The following DNAJC22 variants were observed in gnomAD, a reference collection of about 807,000 sequenced individuals.
DNAJC22 encodes the protein DnaJ heat shock protein family (Hsp40) member C22, also known as dnaJ homolog subfamily C member 22.
Under a neutral mutation model 22.2 loss-of-function variants are expected in DNAJC22, and 24 were observed. The observed-to-expected ratio is 1.08, with a 90% CI of 0.78 to 1.52. DNAJC22 has a LOEUF of 1.52. Ranked by LOEUF, DNAJC22 falls within the 40% of genes most tolerant of loss-of-function variation. The probability of loss-of-function intolerance (pLI) is 0.00; values close to 1 mark genes in which losing one functional copy is unlikely to be tolerated. For synonymous variants in DNAJC22, 160 were observed against 167.4 expected, an observed-to-expected ratio of 0.96 and a Z score of 0.34; for missense variants, 434 against 421.7, an observed-to-expected ratio of 1.03 and a Z score of -0.26.
At position 49,348,768 on chromosome 12, in the gene DNAJC22, T is replaced by A. The variant is rs977126326; in HGVS notation, c.-105T>A. On this transcript the variant is annotated splice_region_variant and 5_prime_UTR_variant, in exon 3 of 4. Coordinates refer to ENST00000549441, the MANE Select transcript of DNAJC22 (RefSeq NM_001304944.2). ...CTCTACTTTTTCCCATCTCTTAGGG[T>A]CTAAGGATAACTCTGGGGCCATGAC... 45 of 1,389,318 alleles carry A rather than the reference T, an allele frequency of 3.2e-5. 1 individual carries two copies. The African/African-American group carries it at 5.8e-4, about 18-fold the overall frequency. 86.1% of individuals were successfully genotyped at this position (1,389,318 alleles called of 1,614,324 possible).
At position 49,353,662 on chromosome 12, in the gene DNAJC22, A is replaced by G. The variant is rs1943806212; in HGVS notation, c.*2160A>G. On this transcript the variant is annotated 3_prime_UTR_variant, in exon 4 of 4. Transcript: ENST00000549441. ...AGCCTGTCTCAAAAATATAAAAATA[A>G]ATAAATAAATAAAGTGGAATTATGT... The G allele has an allele frequency of 1.3e-5, 2 of 152,142 alleles. No individual in the cohort carries two copies. Among genetic ancestry groups the G allele is most frequent in the Non-Finnish European group, 2.9e-5 (2 of 68,038 alleles). 9.4% of individuals were successfully genotyped at this position (152,142 alleles called of 1,614,324 possible).
chr12:49,353,257 C>G lies in DNAJC22; in HGVS notation c.*1755C>G, dbSNP rs575126339. The stretch of plus-strand genomic sequence containing the variant: ...CAGGAACATGATTTTAAATTATGTG[C>G]CTTTACTGCAGCTTTCTTGCTCTCT... On this transcript the variant is annotated 3_prime_UTR_variant, in exon 4 of 4. Coordinates refer to ENST00000549441, the MANE Select transcript of DNAJC22 (RefSeq NM_001304944.2). 1 of 152,246 alleles carries G rather than the reference C, an allele frequency of 6.6e-6. No individual in the cohort carries two copies. Among genetic ancestry groups the G allele is most frequent in the East Asian group, 1.9e-4 (1 of 5,184 alleles). 9.4% of individuals were successfully genotyped at this position (152,246 alleles called of 1,614,324 possible). A position where few individuals can be genotyped will look rare whatever the true frequency, so the allele number is the denominator to read the frequency against.
At position 49,351,589 on chromosome 12, in the gene DNAJC22, A is replaced by G; in HGVS notation, c.*87A>G. ...TAGCTTTGCCCACGAATGGCATCCC[A>G]ACAGAGTTAAAGAAACTGCTTGCAG... On this transcript the variant is annotated 3_prime_UTR_variant, in exon 4 of 4. Transcript: ENST00000549441. 1 of 1,402,426 alleles carries G rather than the reference A, an allele frequency of 7.1e-7. No homozygotes were observed. The allele number at this position is 1,402,426 out of a possible 1,614,324, so 86.9% of individuals were successfully genotyped here. A position where few individuals can be genotyped will look rare whatever the true frequency, so the allele number is the denominator to read the frequency against.
intron 3 of DNAJC22, among the ~76,000 whole-genome samples, chr12:49,350,647 C>T (rs1315304093): frequency 1.3e-5 from 2 of 151,666 alleles, no homozygotes; most frequent in Admixed American, 6.6e-5. Context: ...TACAGGCATG[C>T]GTCACCACGC....
rs1466511581 is a variant in DNAJC22, at chr12:49,349,925, T to A, written c.840+213T>A. 3.2e-6 allele frequency: 3 copies of A among 947,328 alleles called. No homozygotes were observed. The African/African-American group carries it at 5.3e-5, about 17-fold the overall frequency. 58.7% of individuals were successfully genotyped at this position (947,328 alleles called of 1,614,324 possible). A position where few individuals can be genotyped will look rare whatever the true frequency, so the allele number is the denominator to read the frequency against. On this transcript the variant is annotated intron_variant, in intron 3 of 3. Coordinates refer to ENST00000549441, the MANE Select transcript of DNAJC22 (RefSeq NM_001304944.2). ...GAGGTACAACATATATAAATTGCAC[T>A]AATTTTATGTATACCTGACTCAGAT...
At chr12:49,351,248 G>T in intron 3 of DNAJC22, 69 bp from the exon 4 acceptor site, 1 of 1,606,744 alleles carries the variant, frequency 6.2e-7, no homozygotes, top group Non-Finnish European at 8.5e-7. Context: ...TTTAGCAAAG[G>T]TGCAAGGAGA....
intron 3 of DNAJC22, among the ~76,000 whole-genome samples, chr12:49,350,491 ATTC>A (rs1196656828): frequency 8.3e-6 from 1 of 120,764 alleles, no homozygotes; most frequent in African/African-American, 3.2e-5. Context: ...ATTCCTCTTG[ATTC>A]TTTTTTTTTT....
chr12:49,351,455 T>G lies in DNAJC22; in HGVS notation c.979T>G (p.Tyr327Asp). ...QRHFLEIQAA[Y>D]EVLSQPRKPW... Reference sequence around the variant, plus strand: ...GCACTTCCTGGAGATCCAGGCTGCGTATGAAGTCCTGAGTCAACCCAGGAA... The same window carrying G: ...GCACTTCCTGGAGATCCAGGCTGCGGATGAAGTCCTGAGTCAACCCAGGAA... Residue 327 changes from tyrosine (Y) to aspartate (D), a missense_variant, in exon 4 of 4, where the codon TAT (tyrosine) becomes GAT (aspartate). Transcript: ENST00000549441. The G allele has an allele frequency of 2.5e-6, 4 of 1,599,386 alleles. No individual in the cohort carries two copies. Among genetic ancestry groups the G allele is most frequent in the Non-Finnish European group, 3.4e-6 (4 of 1,174,868 alleles).
In DNAJC22 at chr12:49,346,955, T is replaced by C. The variant is rs1288408219; in HGVS notation, c.-1166T>C. On this transcript the variant is annotated 5_prime_UTR_variant, in exon 1 of 4. Transcript: ENST00000549441. ...CAGGCCGAGATGAGGGCTGAGGGCG[T>C]TTGGAGGGAAGCGCTCTGCCTACTG... 2.0e-5 allele frequency: 3 copies of C among 152,178 alleles called. No individual in the cohort carries two copies. Among genetic ancestry groups the C allele is most frequent in the Admixed American group, 2.0e-4 (3 of 15,284 alleles). 9.4% of individuals were successfully genotyped at this position (152,178 alleles called of 1,614,324 possible).
In DNAJC22 at chr12:49,349,570, AGTTTGTCCTCCT is replaced by A; in HGVS notation, c.699_710del (p.Glu233_Leu237delinsAsp). On this transcript the variant is annotated inframe_deletion, in exon 3 of 4. Transcript: ENST00000549441. ...TTCCCCCTTCTTGGCCGCCTCATGG[AGTTTGTCCTCCT>A]TCTGCCTTACCGGATCTGGAGGCTA... 1 of 1,614,116 alleles carries A rather than the reference AGTTTGTCCTCCT, an allele frequency of 6.2e-7. No individual in the cohort carries two copies. The highest frequency in any genetic ancestry group is 8.5e-7 in the Non-Finnish European group (1 of 1,180,042).
intron 3 of DNAJC22, 22 bp from the exon 4 acceptor site, chr12:49,351,295 T>C (rs760576546): frequency 2.5e-6 from 4 of 1,612,886 alleles, no homozygotes; most frequent in Non-Finnish European, 3.4e-6. Flanking sequence ...GATTCTAATT[T>C]GTCATCTTCT....
At position 49,349,262 on chromosome 12, in the gene DNAJC22, C is replaced by T. The variant is rs374090178; in HGVS notation, c.390C>T (p.Asp130=). ...CTGCTGTTGGCAACCAGACCTCAGA[C>T]TTTAAGAACACTCTGGGGTCAGCAT... ...LVAAVGNQTS[D]FKNTLGSAFL... The change falls in exon 3 of 4, where the codon GAC becomes GAT. Residue 130 remains aspartate (D), a synonymous_variant. Transcript: ENST00000549441. 6.2e-7 allele frequency: 1 copy of T among 1,614,200 alleles called. No individual in the cohort carries two copies. Among genetic ancestry groups the T allele is most frequent in the African/African-American group, 1.3e-5 (1 of 75,038 alleles).
Position 49,351,223 on chromosome 12 carries a change from G to A in DNAJC22, c.841-94G>A, listed in dbSNP as rs1943779992. Reference sequence around the variant, plus strand: ...CGGGCAAGTAGAAGCCAATTCTAGAGATATGATAGCCTGATTTAGCAAAGG... The same window carrying A: ...CGGGCAAGTAGAAGCCAATTCTAGAAATATGATAGCCTGATTTAGCAAAGG... On this transcript the variant is annotated intron_variant, in intron 3 of 3. Coordinates refer to ENST00000549441, the MANE Select transcript of DNAJC22 (RefSeq NM_001304944.2). 1.9e-6 allele frequency: 3 copies of A among 1,584,852 alleles called. No individual in the cohort carries two copies. In the East Asian group the frequency reaches 7.0e-5, roughly 37 times the overall value.
In DNAJC22 at chr12:49,349,160, G is replaced by A; in HGVS notation, c.288G>A (p.Leu96=). 1.9e-6 allele frequency: 3 copies of A among 1,614,170 alleles called. No homozygotes were observed. Among genetic ancestry groups the A allele is most frequent in the Non-Finnish European group, 2.5e-6 (3 of 1,180,044 alleles). ...GCATCTATTTTGGCCTTGTGGCACT[G>A]ATTAGCCTTTCTTCCATGGTCAACT... is the stretch of plus-strand genomic sequence containing the variant. ...IVGIYFGLVA[L]ISLSSMVNFY... The change falls in exon 3 of 4, where the codon CTG becomes CTA. Residue 96 remains leucine (L), a synonymous_variant. Transcript: ENST00000549441.
chr12:49,349,766 A>C, intron 3 of DNAJC22, 54 bp downstream of exon 3: 1 of 1,609,228 alleles, frequency 6.2e-7, no homozygotes, highest in South Asian at 1.1e-5. Flanking sequence ...CCTCATGTGG[A>C]AGTACTGTAC....
chr12:49,350,577 C>T lies in DNAJC22; in HGVS notation c.841-740C>T, dbSNP rs1592323332. ...GCAATGGCGCGATCTCAGCTCACTG[C>T]AACCTCTGCCTCCCAGGTTCAAGTG... On this transcript the variant is annotated intron_variant, in intron 3 of 3. Coordinates refer to ENST00000549441, the MANE Select transcript of DNAJC22 (RefSeq NM_001304944.2). Among the ~76,000 whole-genome samples the T allele has an allele frequency of 3.4e-5, 5 of 147,772 alleles. No individual in the cohort carries two copies. The Middle Eastern group carries it at 0.014, about 416-fold the overall frequency.
chr12:49,351,954 G>A lies in DNAJC22; in HGVS notation c.*452G>A, dbSNP rs1202426884. The A allele has an allele frequency of 6.6e-6, 1 of 151,912 alleles. No homozygotes were observed. Among genetic ancestry groups the A allele is most frequent in the Non-Finnish European group, 1.5e-5 (1 of 68,074 alleles). 9.4% of individuals were successfully genotyped at this position (151,912 alleles called of 1,614,324 possible). On this transcript the variant is annotated 3_prime_UTR_variant, in exon 4 of 4. Transcript: ENST00000549441. ...TTGCAGGGGACATGAGAAAACAATG[G>A]GGTGAGAAAAGGTTGTGGTAGAAGG... is the stretch of plus-strand genomic sequence containing the variant.
intron 3 of DNAJC22, among the ~76,000 whole-genome samples, chr12:49,350,532 C>T (rs1173570690): frequency 1.8e-5 from 2 of 110,276 alleles, no homozygotes; most frequent in African/African-American, 7.4e-5. Flanking sequence ...GAGTTTCACT[C>T]TTGTTGCCTA....
chr12:49,349,841 C>A (rs1331783163), intron 3 of DNAJC22, 129 bp downstream of exon 3: 2 of 1,513,406 alleles, frequency 1.3e-6, no homozygotes, highest in African/African-American at 2.8e-5. Flanking sequence ...GTACAATGGG[C>A]AAAGGTTACA....
Sources: allele counts gnomAD v4.1 joint callset (sites outside exome capture counted in the v4.1 genomes callset), GRCh38; gene constraint gnomAD v4.1.1; transcripts MANE v1.5; gene names NCBI Gene and HGNC (gene_info 2026-07-23, HGNC 2026-07-21).